PLCXD1: variants seen among roughly 807,000 people sequenced by gnomAD.
PLCXD1 encodes the protein PI-PLC X domain-containing protein 1.
In PLCXD1, 45 loss-of-function variants were observed where a neutral mutation model predicts 37.8. The observed-to-expected ratio is 1.19, with a 90% CI of 0.94 to 1.53. The LOEUF (loss-of-function observed/expected upper bound fraction) is 1.53. Among genes scored for constraint, PLCXD1 ranks in the 40% most tolerant of loss-of-function variants. PLCXD1 has a pLI of 0.00. For synonymous variants in PLCXD1, 246 were observed against 206.9 expected, an observed-to-expected ratio of 1.19 and a Z score of -1.62; for missense variants, 539 against 454.7, an observed-to-expected ratio of 1.19 and a Z score of -1.69.
At chrX:293,268 G>T in intron 6 of PLCXD1, 50 bp downstream of exon 6, 1 of 1,461,312 alleles carries the variant, frequency 6.8e-7, no homozygotes, top group Non-Finnish European at 9.5e-7. Flanking sequence ...CTCCCGTGAC[G>T]CCCTGCGGCA....
In PLCXD1 at chrX:303,197, C is replaced by T. The variant is rs1319040131; in HGVS notation, c.*3862C>T. 1 of 152,194 alleles carries T rather than the reference C, an allele frequency of 6.6e-6. No homozygotes were observed. Among genetic ancestry groups the T allele is most frequent in the East Asian group, 1.9e-4 (1 of 5,192 alleles). 9.4% of individuals were successfully genotyped at this position (152,194 alleles called of 1,614,324 possible). ...CGGCGGCTACCTCAGCCCCACGGCT[C>T]TGCAGGATCAGGGCTCGGGCAGGCC... On this transcript the variant is annotated 3_prime_UTR_variant, in exon 7 of 7. Transcript: ENST00000381657.
At chrX:291,862 G>A (rs1398597633) in intron 5 of PLCXD1, among the ~76,000 whole-genome samples, 3 of 152,126 alleles carry the variant, frequency 2.0e-5, no homozygotes, top group African/African-American at 4.8e-5. Context: ...TTCCCTTGAC[G>A]GGTTTAGAAA....
chrX:292,339 G>T (rs1279202551), intron 5 of PLCXD1, among the ~76,000 whole-genome samples: 1 of 151,936 alleles, frequency 6.6e-6, no homozygotes, highest in Non-Finnish European at 1.5e-5. Flanking sequence ...GGCGCCTGTA[G>T]TCCCAGCTAC....
chrX:283,315 G>A (rs1243193721), intron 1 of PLCXD1: 1 of 151,114 alleles, frequency 6.6e-6, no homozygotes, highest in Admixed American at 6.6e-5. Context: ...CCTGGACTGA[G>A]ACAGAGGGAC....
At position 293,128 on chromosome X, in the gene PLCXD1, T is replaced by C. The variant is rs758574491; in HGVS notation, c.643T>C (p.Trp215Arg). Residue 215 changes from tryptophan (W) to arginine (R), a missense_variant, in exon 6 of 7, where the codon TGG becomes CGG. Trp to Arg is a moderately radical substitution (Grantham distance 101, BLOSUM62 -3). Coordinates refer to ENST00000381657, the MANE Select transcript of PLCXD1 (RefSeq NM_018390.4). ...CTCCTTGCGCCGGCACCACGAGCTG[T>C]GGCCAGGAGTCCCCTACTGGTGGGG... ...ESSLRRHHEL[W>R]PGVPYWWGNR... 2 of 1,612,328 alleles carry C rather than the reference T, an allele frequency of 1.2e-6. No homozygotes were observed. The highest frequency in any genetic ancestry group is 1.1e-5 in the South Asian group (1 of 90,996).
intron 1 of PLCXD1, chrX:283,693 TG>T (rs2069353771): frequency 1.1e-5 from 1 of 92,070 alleles, no homozygotes; most frequent in African/African-American, 4.2e-5. Flanking sequence ...CAGGCACGGG[TG>T]GGGGCGAGGG....
chrX:293,577 T>A (rs2069707977), intron 6 of PLCXD1, among the ~76,000 whole-genome samples: 1 of 152,042 alleles, frequency 6.6e-6, no homozygotes, highest in Non-Finnish European at 1.5e-5. Context: ...CTGACCAATG[T>A]GATGAAACCC....
intron 5 of PLCXD1, among the ~76,000 whole-genome samples, chrX:292,428 C>CTG (rs2069668124): frequency 6.6e-6 from 1 of 151,832 alleles, no homozygotes; most frequent in Non-Finnish European, 1.5e-5. Flanking sequence ...CACTGCATTC[C>CTG]AGCCTGGGAG....
chrX:296,584 G>C (rs998913088), intron 6 of PLCXD1, among the ~76,000 whole-genome samples: 7 of 152,214 alleles, frequency 4.6e-5, no homozygotes, highest in African/African-American at 1.4e-4. Context: ...TTCCGGCTCA[G>C]CAGATGTAGG....
intron 1 of PLCXD1, chrX:283,253 T>G (rs2069332161): frequency 2.1e-5 from 2 of 94,252 alleles, no homozygotes. Flanking sequence ...AGAGCGAAAC[T>G]GCGTCTCAAA....
intron 6 of PLCXD1, among the ~76,000 whole-genome samples, chrX:296,917 C>G (rs1446182373): frequency 7.2e-6 from 1 of 138,488 alleles, no homozygotes; most frequent in Non-Finnish European, 1.6e-5. Flanking sequence ...TCTTTGGGGC[C>G]ATTATTCTGT....
intron 2 of PLCXD1, among the ~76,000 whole-genome samples, chrX:287,055 G>C (rs2069469176): frequency 1.3e-5 from 2 of 151,994 alleles, no homozygotes; most frequent in Admixed American, 1.3e-4. Flanking sequence ...CGGGCGTGGT[G>C]GCTCACGCCT....
At chrX:288,592 A>G (rs1172943636) in intron 2 of PLCXD1, 141 bp from the exon 3 acceptor site, 8 of 860,788 alleles carry the variant, frequency 9.3e-6, no homozygotes, top group Non-Finnish European at 1.6e-5. Flanking sequence ...TTTGGGGGTC[A>G]GCGTGCACCC....
chrX:282,943 TATTATA>T (rs1376010540), intron 1 of PLCXD1, among the ~76,000 whole-genome samples: 22,737 of 133,706 alleles, frequency 0.17, 2,161 homozygotes, highest in South Asian at 0.21. Flanking sequence ...GTTATATATA[TATTATA>T]TATATATTAT....
At chrX:285,799 G>T (rs2069437077) in intron 2 of PLCXD1, among the ~76,000 whole-genome samples, 1 of 152,070 alleles carries the variant, frequency 6.6e-6, no homozygotes, top group South Asian at 2.1e-4. Flanking sequence ...AATAAACTTA[G>T]ACAAAATTAA....
chrX:278,876 T>A (rs28785030), upstream of PLCXD1, among the ~76,000 whole-genome samples: 1,738 of 152,148 alleles, frequency 0.011, 42 homozygotes, highest in African/African-American at 0.04. Flanking sequence ...ACGTCAGACA[T>A]GAATCCATAC....
At chrX:295,525 G>C (rs2069775319) in intron 6 of PLCXD1, among the ~76,000 whole-genome samples, 1 of 144,728 alleles carries the variant, frequency 6.9e-6, no homozygotes, top group Non-Finnish European at 1.5e-5. Context: ...CTTCAGAAAT[G>C]TCTTTTTTTT....
At chrX:291,705 C>T (rs1212750742) in intron 5 of PLCXD1, 51 bp downstream of exon 5, 14 of 1,578,452 alleles carry the variant, frequency 8.9e-6, no homozygotes, top group Non-Finnish European at 1.2e-5. Flanking sequence ...GGGGCATCGT[C>T]AGCCTCAGAC....
At chrX:294,298 T>C (rs187569921) in intron 6 of PLCXD1, among the ~76,000 whole-genome samples, 85 of 151,926 alleles carry the variant, frequency 5.6e-4, no homozygotes, top group East Asian at 3.3e-3. Context: ...CCGGCTAACA[T>C]GGAGAAACCC....
Sources: gnomAD v4.1 joint callset for allele counts (sites outside exome capture counted in the v4.1 genomes callset) on GRCh38, gnomAD v4.1.1 for gene constraint, MANE v1.5 for transcripts, NCBI Gene and HGNC (gene_info 2026-07-23, HGNC 2026-07-21) for gene names.